The following YPEL3 variants were observed in gnomAD, a reference collection of about 807,000 sequenced individuals.
YPEL3 encodes the protein yippee like 3.
Under a neutral mutation model 17.5 loss-of-function variants are expected in YPEL3, and 5 were observed. That is an observed-to-expected ratio of 0.29 (90% CI 0.15 to 0.60). The LOEUF (loss-of-function observed/expected upper bound fraction) is 0.60, where lower values mean the gene tolerates loss of function less well. Among genes scored for constraint, YPEL3 ranks in the 20% least tolerant of loss-of-function variants. The pLI, the probability that YPEL3 is intolerant of heterozygous loss-of-function variation, is 0.87. For missense variants in YPEL3, 155 were observed against 211.4 expected (o/e 0.73, Z 1.65); for synonymous variants, 87 against 87.2 (o/e 1.00, Z 0.01).
chr16:30,093,016 G>A (rs1023300209), intron 3 of YPEL3, among the ~76,000 whole-genome samples: 1 of 152,244 alleles, frequency 6.6e-6, no homozygotes, highest in Non-Finnish European at 1.5e-5. Context: ...AGAAGATAGG[G>A]AAGTGGCTAA....
At position 30,095,125 on chromosome 16, in the gene YPEL3, G is replaced by A. The variant is rs2072778225; in HGVS notation, c.253C>T (p.Arg85Cys). The part of the protein sequence containing the change: ...ISKSFQGSQG[R>C]AYLFNSVVNV... ...CACACTGAGTTGAAGAGGTAGGCAC[G>A]CCCCTGACTGCCCTGGAAGGACTAA... The change falls in exon 2 of 4, where the codon CGT (arginine) becomes TGT (cysteine). Residue 85 changes from arginine to cysteine, a missense_variant. By Grantham distance (180) the Arg-to-Cys change is radical (BLOSUM62 -3). Transcript: ENST00000398841. This position sits in a 1 kb window ranked among gnomAD's most constrained non-coding sequence, Gnocchi z 5.4. 3 of 1,614,052 alleles carry A rather than the reference G, an allele frequency of 1.9e-6. No individual in the cohort carries two copies. Among genetic ancestry groups the A allele is most frequent in the African/African-American group, 2.7e-5 (2 of 74,930 alleles).
intron 3 of YPEL3, 32 bp from the exon 4 acceptor site, chr16:30,092,831 A>G: frequency 6.3e-7 from 1 of 1,596,466 alleles, no homozygotes; most frequent in Non-Finnish European, 8.6e-7. Flanking sequence ...TCATCCCCGG[A>G]GCAACAGTCT....
chr16:30,094,873 G>A lies in YPEL3; in HGVS notation c.300C>T (p.Ala100=), dbSNP rs913236882. Residue 100 remains alanine, a synonymous_variant, in exon 3 of 4, where the codon GCC becomes GCT. Coordinates refer to ENST00000398841, the MANE Select transcript of YPEL3 (RefSeq NM_031477.5). ...NSVVNVGCGP[A]EERVLLTGLH... is the part of the protein sequence containing the mutation. ...GGCCGGTCAGCAGCACCCGCTCCTC[G>A]GCTGGCCCGCAGCCCACGTTCACCC... The A allele has an allele frequency of 6.2e-6, 10 of 1,613,362 alleles. No individual in the cohort carries two copies. The highest frequency in any genetic ancestry group is 1.7e-5 in the Admixed American group (1 of 59,970).
At position 30,096,009 on chromosome 16, in the gene YPEL3, G is replaced by A. The variant is rs1440167562; in HGVS notation, c.-527C>T. 1.3e-5 allele frequency: 2 copies of A among 150,558 alleles called. No individual in the cohort carries two copies. The highest frequency in any genetic ancestry group is 3.0e-5 in the Non-Finnish European group (2 of 67,406). 9.3% of individuals were successfully genotyped at this position (150,558 alleles called of 1,614,324 possible). ...TCCGGGGCTCACCTGGGGCGCGGGGGTGGGGGCGGGCGCCGGGGGAGGGGG... is the reference window on the plus strand; with the variant it reads ...TCCGGGGCTCACCTGGGGCGCGGGGATGGGGGCGGGCGCCGGGGGAGGGGG... On this transcript the variant is annotated 5_prime_UTR_variant, in exon 1 of 4. Transcript: ENST00000398841.
Position 30,095,256 on chromosome 16 carries a change from G to A in YPEL3, c.227C>T (p.Ser76Phe), listed in dbSNP as rs1354268139. The A allele has an allele frequency of 6.2e-7, 1 of 1,614,190 alleles. No homozygotes were observed. The highest frequency in any genetic ancestry group is 1.7e-5 in the Admixed American group (1 of 60,032). Residue 76 changes from serine to phenylalanine, a missense_variant, in exon 1 of 4, where the codon TCC becomes TTC. By Grantham distance (155) the Ser-to-Phe change is radical. Around this residue, in one of 3 missense-constraint regions of YPEL3, gnomAD observed 74 missense variants for 134.9 expected, o/e 0.55. Transcript: ENST00000398841. The surrounding 1 kb of genome is among the most constrained non-coding windows in gnomAD (Gnocchi z 5.4). ...AHLANHDDLI[S>F]KSFQGSQGRA... ...CACTGTGGCCTGGTTGGTTACCTTG[G>A]AGATGAGGTCGTCGTGGTTGGCCAG...
chr16:30,095,897 T>C lies in YPEL3; in HGVS notation c.-415A>G, dbSNP rs1215568865. ...CTCGCCGTGAAGGTTGAGGGTCACC[T>C]AGGAGGGGAGGGGCTCTCACCTGCG... On this transcript the variant is annotated 5_prime_UTR_variant, in exon 1 of 4. Coordinates refer to ENST00000398841, the MANE Select transcript of YPEL3 (RefSeq NM_031477.5). This position sits in a 1 kb window ranked among gnomAD's most constrained non-coding sequence, Gnocchi z 5.4. 2 of 175,448 alleles carry C rather than the reference T, an allele frequency of 1.1e-5. No homozygotes were observed. Among genetic ancestry groups the C allele is most frequent in the Non-Finnish European group, 2.4e-5 (2 of 83,280 alleles). 10.9% of individuals were successfully genotyped at this position (175,448 alleles called of 1,614,324 possible).
At chr16:30,094,689 G>T in intron 3 of YPEL3, 100 bp downstream of exon 3, 1 of 1,112,900 alleles carries the variant, frequency 9.0e-7, no homozygotes, top group Non-Finnish European at 1.4e-6. Flanking sequence ...TGTGAGCTCG[G>T]CCTATGCAAT....
Position 30,092,683 on chromosome 16 carries a change from G to A in YPEL3, c.*27C>T, listed in dbSNP as rs1288772657. On this transcript the variant is annotated 3_prime_UTR_variant, in exon 4 of 4. Transcript: ENST00000398841. Reference sequence around the variant, plus strand: ...GCTCCCTGGCGGCCAGGCCGGGCTGGAGCCACATGCGTCGGGGGAGCGGGG... The same window carrying A: ...GCTCCCTGGCGGCCAGGCCGGGCTGAAGCCACATGCGTCGGGGGAGCGGGG... 2.5e-6 allele frequency: 4 copies of A among 1,612,424 alleles called. No homozygotes were observed. The Admixed American group carries it at 5.0e-5, about 20-fold the overall frequency.
In YPEL3 at chr16:30,095,330, G is replaced by A. The variant is rs770327989; in HGVS notation, c.153C>T (p.Tyr51=). The change falls in exon 1 of 4, where the codon TAC becomes TAT. Residue 51 remains tyrosine (Y), a synonymous_variant. Transcript: ENST00000398841. The surrounding 1 kb of genome is among the most constrained non-coding windows in gnomAD (Gnocchi z 5.4). ...TATACCTCCGGTGACAATCATCCAA[G>A]TAGGCCTGAAACGTCTTGGGCTTTG... is the stretch of plus-strand genomic sequence containing the variant. The part of the protein sequence containing the change: ...RISKPKTFQA[Y]LDDCHRRYSC... 6.2e-7 allele frequency: 1 copy of A among 1,614,232 alleles called. No homozygotes were observed. Among genetic ancestry groups the A allele is most frequent in the Admixed American group, 1.7e-5 (1 of 60,030 alleles).
In YPEL3 at chr16:30,095,816, G is replaced by C; in HGVS notation, c.-334C>G. 1 of 306,576 alleles carries C rather than the reference G, an allele frequency of 3.3e-6. No individual in the cohort carries two copies. The highest frequency in any genetic ancestry group is 6.1e-6 in the Non-Finnish European group (1 of 164,000). The allele number at this position is 306,576 out of a possible 1,614,324, so 19.0% of individuals were successfully genotyped here. A position where few individuals can be genotyped will look rare whatever the true frequency, so the allele number is the denominator to read the frequency against. ...CATCTGGAGAGCAGTGGGGTTCACT[G>C]GTGGTTTAGGGGGTTCATCGGGGAG... On this transcript the variant is annotated 5_prime_UTR_variant, in exon 1 of 4. Coordinates refer to ENST00000398841, the MANE Select transcript of YPEL3 (RefSeq NM_031477.5). The surrounding 1 kb of genome is among the most constrained non-coding windows in gnomAD (Gnocchi z 5.4).
Position 30,092,513 on chromosome 16 carries a change from A to C in YPEL3, c.*197T>G. 1 of 572,260 alleles carries C rather than the reference A, an allele frequency of 1.7e-6. No individual in the cohort carries two copies. The allele number at this position is 572,260 out of a possible 1,614,324, so 35.4% of individuals were successfully genotyped here. A position where few individuals can be genotyped will look rare whatever the true frequency, so the allele number is the denominator to read the frequency against. On this transcript the variant is annotated 3_prime_UTR_variant, in exon 4 of 4. Coordinates refer to ENST00000398841, the MANE Select transcript of YPEL3 (RefSeq NM_031477.5). The stretch of plus-strand genomic sequence containing the variant: ...ACGAGATCCAAGCCAGCCAGATCGC[A>C]GGAGGTGCGGGGGCGTCGTCCCCCT...
chr16:30,095,708 A>G lies in YPEL3; in HGVS notation c.-226T>C. 1 of 512,762 alleles carries G rather than the reference A, an allele frequency of 2.0e-6. No homozygotes were observed. Among genetic ancestry groups the G allele is most frequent in the Non-Finnish European group, 3.4e-6 (1 of 290,772 alleles). The allele number at this position is 512,762 out of a possible 1,614,324, so 31.8% of individuals were successfully genotyped here. On this transcript the variant is annotated 5_prime_UTR_variant, in exon 1 of 4. Coordinates refer to ENST00000398841, the MANE Select transcript of YPEL3 (RefSeq NM_031477.5). This position sits in a 1 kb window ranked among gnomAD's most constrained non-coding sequence, Gnocchi z 5.4. ...CTGACCTGGCAGCTGAAGCTGGAGG[A>G]AGGGGCTTTGGAGGGGCTGGGCTGT...
In YPEL3 at chr16:30,095,736, G is replaced by C; in HGVS notation, c.-254C>G. ...GGGCTTTGGAGGGGCTGGGCTGTCA[G>C]TTCCCAGTTTCGGGGGAGCATGGGC... is the stretch of plus-strand genomic sequence containing the variant. On this transcript the variant is annotated 5_prime_UTR_variant, in exon 1 of 4. Coordinates refer to ENST00000398841, the MANE Select transcript of YPEL3 (RefSeq NM_031477.5). The surrounding 1 kb of genome is among the most constrained non-coding windows in gnomAD (Gnocchi z 5.4). 2.1e-6 allele frequency: 1 copy of C among 476,750 alleles called. No individual in the cohort carries two copies. The allele number at this position is 476,750 out of a possible 1,614,324, so 29.5% of individuals were successfully genotyped here.
In YPEL3 at chr16:30,095,386, G is replaced by C. The variant is rs1377263775; in HGVS notation, c.97C>G (p.Leu33Val). The C allele has an allele frequency of 1.9e-6, 3 of 1,613,198 alleles. No individual in the cohort carries two copies. The Admixed American group carries it at 5.0e-5, about 27-fold the overall frequency. The change falls in exon 1 of 4, where the codon CTG (leucine) becomes GTG (valine). Residue 33 changes from leucine (L) to valine (V), a missense_variant. Physicochemically the swap from Leu to Val is conservative, Grantham distance 32. Coordinates refer to ENST00000398841, the MANE Select transcript of YPEL3 (RefSeq NM_031477.5). The surrounding 1 kb of genome is among the most constrained non-coding windows in gnomAD (Gnocchi z 5.4). ...CGCACCATGGCGGGGGCCGGGGGCA[G>C]TGGCCCCACGCGGGGAGCGGCCCAC... Reference protein sequence around the residue: ...SPWAAPRVGPLPPAPAMVRIS... With the variant: ...SPWAAPRVGPVPPAPAMVRIS...
rs987636642 is a variant in YPEL3, at chr16:30,094,891, G to A, written c.282C>T (p.Asn94=). 5.0e-6 allele frequency: 8 copies of A among 1,612,358 alleles called. No individual in the cohort carries two copies. The highest frequency in any genetic ancestry group is 1.3e-5 in the African/African-American group (1 of 75,058). The change falls in exon 3 of 4, where the codon AAC becomes AAT. Residue 94 remains asparagine, a synonymous_variant. Coordinates refer to ENST00000398841, the MANE Select transcript of YPEL3 (RefSeq NM_031477.5). ...GRAYLFNSVV[N]VGCGPAEERV... ...GCTCCTCGGCTGGCCCGCAGCCCAC[G>A]TTCACCCTGTGGGGACATGGGGTAG...
chr16:30,095,755 C>A lies in YPEL3; in HGVS notation c.-273G>T. The A allele has an allele frequency of 2.2e-6, 1 of 455,890 alleles. No homozygotes were observed. The highest frequency in any genetic ancestry group is 3.9e-6 in the Non-Finnish European group (1 of 256,790). The allele number at this position is 455,890 out of a possible 1,614,324, so 28.2% of individuals were successfully genotyped here. A position where few individuals can be genotyped will look rare whatever the true frequency, so the allele number is the denominator to read the frequency against. On this transcript the variant is annotated 5_prime_UTR_variant, in exon 1 of 4. The change abolishes an upstream ATG in the 5' untranslated region. Transcript: ENST00000398841. This position sits in a 1 kb window ranked among gnomAD's most constrained non-coding sequence, Gnocchi z 5.4. ...CTGTCAGTTCCCAGTTTCGGGGGAG[C>A]ATGGGCGGGTAGGCACTGGTTGGTC...
Position 30,092,724 on chromosome 16 carries a change from T to A in YPEL3, c.460A>T (p.Asn154Tyr). The change falls in exon 4 of 4, where the codon AAC becomes TAC. Residue 154 changes from asparagine to tyrosine, a missense_variant. Asn to Tyr is a moderately radical substitution (Grantham distance 143, BLOSUM62 -2). Coordinates refer to ENST00000398841, the MANE Select transcript of YPEL3 (RefSeq NM_031477.5). ...IIELNHMIKD[N>Y]GWD ...GGGAGCGGGGGTCAGTCCCAGCCGT[T>A]GTCTTTGATCATGTGGTTGAGTTCA... 1 of 1,614,170 alleles carries A rather than the reference T, an allele frequency of 6.2e-7. No individual in the cohort carries two copies. Among genetic ancestry groups the A allele is most frequent in the Non-Finnish European group, 8.5e-7 (1 of 1,180,020 alleles).
chr16:30,092,611 G>A lies in YPEL3; in HGVS notation c.*99C>T. 5 of 1,067,184 alleles carry A rather than the reference G, an allele frequency of 4.7e-6. No individual in the cohort carries two copies. The highest frequency in any genetic ancestry group is 1.8e-5 in the Admixed American group (1 of 56,506). The allele number at this position is 1,067,184 out of a possible 1,614,324, so 66.1% of individuals were successfully genotyped here. ...AGGAGCTAGATCCGTCCTCTGCAGGGGCTCTGAGGGTCCAGAGCTCCCTTC... is the reference window on the plus strand; with the variant it reads ...AGGAGCTAGATCCGTCCTCTGCAGGAGCTCTGAGGGTCCAGAGCTCCCTTC... On this transcript the variant is annotated 3_prime_UTR_variant, in exon 4 of 4. Transcript: ENST00000398841.
Position 30,092,699 on chromosome 16 carries a change from G to A in YPEL3, c.*11C>T. On this transcript the variant is annotated 3_prime_UTR_variant, in exon 4 of 4. Coordinates refer to ENST00000398841, the MANE Select transcript of YPEL3 (RefSeq NM_031477.5). ...GCCGGGCTGGAGCCACATGCGTCGG[G>A]GGAGCGGGGGTCAGTCCCAGCCGTT... The A allele has an allele frequency of 6.2e-7, 1 of 1,613,786 alleles. No homozygotes were observed. Among genetic ancestry groups the A allele is most frequent in the Middle Eastern group, 1.7e-4 (1 of 6,060 alleles).
Sources: gnomAD v4.1 joint callset for allele counts (sites outside exome capture counted in the v4.1 genomes callset) on GRCh38, gnomAD v4.1.1 for gene constraint, gnomAD v4.1.1 regional missense constraint, Gnocchi (gnomAD v3.1) non-coding constraint, MANE v1.5 for transcripts, NCBI Gene and HGNC (gene_info 2026-07-23, HGNC 2026-07-21) for gene names.